Variants in BTBD7 observed in about 807,000 individuals in gnomAD.
BTBD7 encodes BTB domain containing 7.
A neutral mutation model predicts 99.9 loss-of-function variants in BTBD7; 38 were observed. The observed-to-expected ratio is 0.38, with a 90% CI of 0.29 to 0.50. BTBD7 has a LOEUF of 0.50. Ranked by LOEUF, BTBD7 falls within the 20% of genes least tolerant of loss-of-function variation. The pLI is 0.93. For missense variants in BTBD7, 1,170 were observed against 1,394.6 expected (o/e 0.84, Z 2.57); for synonymous variants, 520 against 511.4 (o/e 1.02, Z -0.23).
chr14:93,328,137 G>C (rs1279617080), intron 1 of BTBD7, among the ~76,000 whole-genome samples: 2 of 152,118 alleles, frequency 1.3e-5, no homozygotes, highest in East Asian at 3.9e-4. Flanking sequence ...TAAATGGAAA[G>C]ATATTCCATG....
intron 3 of BTBD7, among the ~76,000 whole-genome samples, chr14:93,270,247 C>T (rs181566918): frequency 6.6e-6 from 1 of 152,188 alleles, no homozygotes; most frequent in African/African-American, 2.4e-5. Flanking sequence ...AGGCGCCTGC[C>T]ACAACACCCG....
intron 1 of BTBD7, among the ~76,000 whole-genome samples, chr14:93,315,070 C>A (rs2053183088): frequency 6.6e-6 from 1 of 152,054 alleles, no homozygotes; most frequent in Non-Finnish European, 1.5e-5. Context: ...TCCTTTGTAA[C>A]TTCTGGGTTT....
intron 3 of BTBD7, among the ~76,000 whole-genome samples, chr14:93,277,302 C>T (rs989839262): frequency 6.6e-6 from 1 of 152,124 alleles, no homozygotes; most frequent in South Asian, 2.1e-4. Context: ...AAAATGTTTA[C>T]ATTTAAGCAT....
chr14:93,294,364 A>G lies in BTBD7; in HGVS notation c.656T>C (p.Ile219Thr). 3.1e-6 allele frequency: 5 copies of G among 1,614,196 alleles called. No homozygotes were observed. Among genetic ancestry groups the G allele is most frequent in the Non-Finnish European group, 4.2e-6 (5 of 1,180,028 alleles). Residue 219 changes from isoleucine to threonine, a missense_variant, in exon 3 of 11, where the codon ATC becomes ACC. By Grantham distance (89) the Ile-to-Thr change is moderately conservative. Around this residue, in one of 4 missense-constraint regions of BTBD7, gnomAD observed 359 missense variants for 497.9 expected, o/e 0.72. Coordinates refer to ENST00000334746, the MANE Select transcript of BTBD7 (RefSeq NM_001002860.4). ...AAATTCTTCACTAAGCTGAACAAGG[A>G]TATCGACATTTTGAAACCTTGAGTC... ...MEDSRFQNVDILVQLSEEFGT... is the reference protein window; with the variant it reads ...MEDSRFQNVDTLVQLSEEFGT...
At chr14:93,257,467 C>T in intron 5 of BTBD7, 112 bp from the exon 6 acceptor site, 1 of 933,152 alleles carries the variant, frequency 1.1e-6, no homozygotes, top group Non-Finnish European at 1.5e-6. Flanking sequence ...TTATGTGCCT[C>T]TGCTTTAAAA....
intron 6 of BTBD7, among the ~76,000 whole-genome samples, chr14:93,255,261 TCA>T (rs2139691838): frequency 6.6e-6 from 1 of 152,258 alleles, no homozygotes; most frequent in East Asian, 1.9e-4. Context: ...TTCTCCCATC[TCA>T]GTTTCTCAGG....
chr14:93,311,856 T>C (rs1274391240), intron 1 of BTBD7, among the ~76,000 whole-genome samples: 1 of 152,070 alleles, frequency 6.6e-6, no homozygotes, highest in Non-Finnish European at 1.5e-5. Flanking sequence ...TGTGTGATTA[T>C]ATAACCAATG....
intron 3 of BTBD7, chr14:93,287,511 CTTTCA>C (rs1283642195): frequency 6.6e-6 from 1 of 151,862 alleles, no homozygotes; most frequent in African/African-American, 2.4e-5. Context: ...ATTATTTATT[CTTTCA>C]TATGTACTGT....
intron 1 of BTBD7, 112 bp downstream of exon 1, chr14:93,332,708 C>G (rs959875384): frequency 2.3e-6 from 3 of 1,327,196 alleles, no homozygotes; most frequent in Non-Finnish European, 1.9e-6. Context: ...CGGCTTGGCC[C>G]CAGCCCCGGC....
At chr14:93,248,001 A>G (rs1170552043) in intron 9 of BTBD7, among the ~76,000 whole-genome samples, 1 of 152,222 alleles carries the variant, frequency 6.6e-6, no homozygotes, top group Admixed American at 6.5e-5. Context: ...CCAAACCTCA[A>G]ACCTAGTGAC....
chr14:93,268,432 T>C (rs1164922555), intron 3 of BTBD7, among the ~76,000 whole-genome samples: 1 of 152,222 alleles, frequency 6.6e-6, no homozygotes, highest in Non-Finnish European at 1.5e-5. Context: ...GATTCTATAG[T>C]GTCTGGCACC....
At chr14:93,326,783 G>A (rs1257587036) in intron 1 of BTBD7, among the ~76,000 whole-genome samples, 5 of 146,060 alleles carry the variant, frequency 3.4e-5, no homozygotes, top group Non-Finnish European at 5.9e-5. Context: ...CAGCCTGGGC[G>A]ACAGAGCAAA....
At chr14:93,281,104 G>C (rs1026568994) in intron 3 of BTBD7, among the ~76,000 whole-genome samples, 1 of 151,408 alleles carries the variant, frequency 6.6e-6, no homozygotes, top group East Asian at 1.9e-4. Flanking sequence ...TTGGGCTCTT[G>C]ATCCTCCCAC....
chr14:93,290,725 C>CT (rs1352521365), intron 3 of BTBD7, among the ~76,000 whole-genome samples: 2 of 151,530 alleles, frequency 1.3e-5, no homozygotes, highest in Admixed American at 6.6e-5. Flanking sequence ...GAGACTCACT[C>CT]TGTCGCCCAG....
At chr14:93,331,965 CAG>C (rs1026428849) in intron 1 of BTBD7, among the ~76,000 whole-genome samples, 5 of 149,210 alleles carry the variant, frequency 3.4e-5, no homozygotes, top group African/African-American at 1.0e-4. Context: ...GATGTTTTCG[CAG>C]AGTTAACAGT....
chr14:93,294,580 A>T lies in BTBD7; in HGVS notation c.440T>A (p.Ile147Lys). Residue 147 changes from isoleucine to lysine, a missense_variant, in exon 3 of 11, where the codon ATA becomes AAA. Ile to Lys is a moderately radical substitution (Grantham distance 102). Transcript: ENST00000334746. ...AACAGGAAAACAAGTTTCTTGAAATATTAAGTCTACATCAGTACAATACTT... is the reference window on the plus strand; with the variant it reads ...AACAGGAAAACAAGTTTCTTGAAATTTTAAGTCTACATCAGTACAATACTT... The part of the protein sequence containing the change: ...EYKYCTDVDL[I>K]FQETCFPVHR... 1 of 1,613,950 alleles carries T rather than the reference A, an allele frequency of 6.2e-7. No homozygotes were observed. The highest frequency in any genetic ancestry group is 1.1e-5 in the South Asian group (1 of 91,056).
At chr14:93,249,642 C>G (rs8017942) in intron 8 of BTBD7, among the ~76,000 whole-genome samples, 58,959 of 152,024 alleles carry the variant, frequency 0.39, 12,582 homozygotes, top group African/African-American at 0.57. Flanking sequence ...CATTCATTTA[C>G]GTACTGTCTA....
chr14:93,278,880 G>C (rs1020226715), intron 3 of BTBD7, among the ~76,000 whole-genome samples: 1 of 152,150 alleles, frequency 6.6e-6, no homozygotes, highest in South Asian at 2.1e-4. Flanking sequence ...CCATTTGGCT[G>C]TAAATGGAGG....
At chr14:93,324,307 C>G (rs762949010) in intron 1 of BTBD7, among the ~76,000 whole-genome samples, 10 of 151,774 alleles carry the variant, frequency 6.6e-5, no homozygotes, top group Non-Finnish European at 1.2e-4. Flanking sequence ...GGTGTGGTGG[C>G]TACTTCTCAG....
Sources: allele counts gnomAD v4.1 joint callset (sites outside exome capture counted in the v4.1 genomes callset), GRCh38; gene constraint gnomAD v4.1.1; regional missense constraint gnomAD v4.1.1; transcripts MANE v1.5; gene names NCBI Gene and HGNC (gene_info 2026-07-23, HGNC 2026-07-21).